SYTL4: variants seen among roughly 807,000 people sequenced by gnomAD.
SYTL4 encodes synaptotagmin-like protein 4.
A neutral mutation model predicts 52.7 loss-of-function variants in SYTL4; 16 were observed. That is an observed-to-expected ratio of 0.30 (90% CI 0.21 to 0.46). SYTL4 has a LOEUF of 0.46. SYTL4 is among the 20% of genes least tolerant of loss of function. The pLI is 1.00. For missense variants in SYTL4, 423 were observed against 519.9 expected (o/e 0.81, Z 1.81); for synonymous variants, 160 against 186.6 (o/e 0.86, Z 1.16).
intron 2 of SYTL4, among the ~76,000 whole-genome samples, chrX:100,723,772 C>T (rs1471261985): frequency 6.4e-5 from 7 of 108,820 alleles, no homozygotes; most frequent in East Asian, 3.0e-4. Flanking sequence ...GCCCGGCAGC[C>T]GCACCGTCTG....
At chrX:100,729,468 T>C (rs2084594262) in intron 2 of SYTL4, among the ~76,000 whole-genome samples, 1 of 109,959 alleles carries the variant, frequency 9.1e-6, no homozygotes, top group Non-Finnish European at 1.9e-5. Context: ...CACGTTTAAA[T>C]AGGGTGGTCA....
intron 17 of SYTL4, among the ~76,000 whole-genome samples, chrX:100,679,901 C>A (rs1205530878): frequency 2.7e-5 from 3 of 112,003 alleles, no homozygotes; most frequent in Non-Finnish European, 5.6e-5. Context: ...CCCTTCCCCT[C>A]AGTCTAAATA....
At chrX:100,706,076 G>A (rs7883028) in intron 2 of SYTL4, among the ~76,000 whole-genome samples, 14,322 of 110,465 alleles carry the variant, frequency 0.13, 2,247 homozygotes, top group African/African-American at 0.45. Flanking sequence ...TCATCCCTCT[G>A]CCACAACTGC....
intron 19 of SYTL4, 34 bp from the exon 20 acceptor site, chrX:100,676,210 GC>G (rs765905753): frequency 8.3e-7 from 1 of 1,206,601 alleles, no homozygotes; most frequent in Non-Finnish European, 1.1e-6. Context: ...CTAAAGAGGG[GC>G]CCCACTCTCA....
At chrX:100,700,631 T>C (rs2083828305) in intron 8 of SYTL4, among the ~76,000 whole-genome samples, 1 of 112,001 alleles carries the variant, frequency 8.9e-6, no homozygotes, top group African/African-American at 3.2e-5. Context: ...CTTCAAATTG[T>C]TCGTATAAAG....
In SYTL4 at chrX:100,690,556, A is replaced by C. The variant is rs1407598586; in HGVS notation, c.717+7T>G. 2 of 1,201,547 alleles carry C rather than the reference A, an allele frequency of 1.7e-6. No individual in the cohort carries two copies. Among genetic ancestry groups the C allele is most frequent in the Non-Finnish European group, 2.3e-6 (2 of 888,282 alleles). ...GGAGGAAGGTGGCTCAATAACCTGA[A>C]GCTTACCTTTTCTACTTGAGATTTG... On this transcript the variant is annotated splice_region_variant and intron_variant, in intron 10 of 19. Transcript: ENST00000372989.
At position 100,718,839 on chromosome X, in the gene SYTL4, C is replaced by T. The variant is rs150016810; in HGVS notation, c.-240+12579G>A. Among the ~76,000 whole-genome samples the T allele has an allele frequency of 6.1e-3, 629 of 103,940 alleles. 7 individuals are homozygous for T. The highest frequency in any genetic ancestry group is 0.021 in the African/African-American group (589 of 28,467). The allele number at this position is 103,940 out of a possible 115,157, so 90.3% of individuals were successfully genotyped here. On this transcript the variant is annotated intron_variant, in intron 2 of 19. Transcript: ENST00000372989. Reference sequence around the variant, plus strand: ...TGTGAGATGGAGTCTCACTCTGTTGCCCAGGCTGGAGTTAGGCAGCGCCAT... The same window carrying T: ...TGTGAGATGGAGTCTCACTCTGTTGTCCAGGCTGGAGTTAGGCAGCGCCAT...
chrX:100,688,464 T>G, intron 12 of SYTL4, 21 bp from the exon 13 acceptor site: 1 of 1,145,747 alleles, frequency 8.7e-7, no homozygotes, highest in African/African-American at 1.8e-5. Flanking sequence ...AAATATAAAT[T>G]CAGAGTTAAT....
At chrX:100,724,999 TAGAC>T (rs2084486229) in intron 2 of SYTL4, among the ~76,000 whole-genome samples, 1 of 112,000 alleles carries the variant, frequency 8.9e-6, no homozygotes, top group African/African-American at 3.2e-5. Flanking sequence ...GTTTACATTT[TAGAC>T]AGATTGGATC....
chrX:100,722,852 T>C (rs2084370299), intron 2 of SYTL4, among the ~76,000 whole-genome samples: 1 of 111,645 alleles, frequency 9.0e-6, no homozygotes, highest in African/African-American at 3.3e-5. Flanking sequence ...CACAGTTCTC[T>C]GAAATTGCTC....
intron 2 of SYTL4, among the ~76,000 whole-genome samples, chrX:100,713,475 G>C (rs2084118026): frequency 9.1e-6 from 1 of 109,760 alleles, no homozygotes; most frequent in African/African-American, 3.3e-5. Flanking sequence ...ACTTAGCTGG[G>C]TGTGGTGGTG....
chrX:100,699,482 C>CATTTTTTTTTTTTTTTTTTTTTTT, intron 8 of SYTL4, among the ~76,000 whole-genome samples: 1 of 59,892 alleles, frequency 1.7e-5, no homozygotes, highest in Admixed American at 2.1e-4. Flanking sequence ...CAGCATTACT[C>CATTTTTTTTTTTTTTTTTTTTTTT]TTTTTTTTTT....
Position 100,690,576 on chromosome X carries a change from G to A in SYTL4, c.704C>T (p.Ser235Phe). 4 of 1,206,352 alleles carry A rather than the reference G, an allele frequency of 3.3e-6. No individual in the cohort carries two copies. Among genetic ancestry groups the A allele is most frequent in the Non-Finnish European group, 4.5e-6 (4 of 892,027 alleles). ...PEWKKMSAPK[S>F]QVEKETQPGG... Reference sequence around the variant, plus strand: ...CCTGAAGCTTACCTTTTCTACTTGAGATTTGGGAGCAGACATCTTCTTCCA... The same window carrying A: ...CCTGAAGCTTACCTTTTCTACTTGAAATTTGGGAGCAGACATCTTCTTCCA... The change falls in exon 10 of 20, where the codon TCT becomes TTT. Residue 235 changes from serine (S) to phenylalanine (F), a missense_variant. Physicochemically the swap from Ser to Phe is radical, Grantham distance 155. Coordinates refer to ENST00000372989, the MANE Select transcript of SYTL4 (RefSeq NM_001370165.1).
intron 16 of SYTL4, chrX:100,685,693 C>T (rs1276639629): frequency 9.5e-6 from 2 of 211,189 alleles, no homozygotes; most frequent in Non-Finnish European, 1.7e-5. Context: ...AGAAGAGGTG[C>T]GAGTTAGGAT....
intron 6 of SYTL4, 64 bp from the exon 7 acceptor site, chrX:100,701,393 G>A (rs889694761): frequency 3.4e-6 from 4 of 1,172,417 alleles, no homozygotes; most frequent in African/African-American, 1.8e-5. Context: ...TAAAGGCTGA[G>A]GAAAGAAATT....
At chrX:100,683,736 T>C (rs1485438341) in intron 16 of SYTL4, among the ~76,000 whole-genome samples, 2 of 112,700 alleles carry the variant, frequency 1.8e-5, no homozygotes, top group Non-Finnish European at 3.7e-5. Context: ...ACACAATTTA[T>C]TAATTTCTAG....
intron 2 of SYTL4, among the ~76,000 whole-genome samples, chrX:100,723,842 G>A (rs1312769116): frequency 3.7e-5 from 4 of 109,242 alleles, no homozygotes; most frequent in Admixed American, 9.5e-5. Context: ...GAGCGTCTCC[G>A]CCTGGCAGCC....
rs2083334738 is a variant in SYTL4, at chrX:100,679,418, A to C, written c.1559-6T>G. The stretch of plus-strand genomic sequence containing the variant: ...TCCCCCTTCCCCACCTTTACCTGTA[A>C]GGGATGTCAGCCATAGCAAGTGAGC... On this transcript the variant is annotated splice_region_variant and splice_polypyrimidine_tract_variant and intron_variant, in intron 17 of 19. Coordinates refer to ENST00000372989, the MANE Select transcript of SYTL4 (RefSeq NM_001370165.1). The C allele has an allele frequency of 8.5e-7, 1 of 1,180,376 alleles. No individual in the cohort carries two copies. Among genetic ancestry groups the C allele is most frequent in the African/African-American group, 1.8e-5 (1 of 56,385 alleles).
chrX:100,685,909 G>A (rs2083464283), intron 16 of SYTL4, 81 bp downstream of exon 16: 1 of 980,833 alleles, frequency 1.0e-6, no homozygotes, highest in Non-Finnish European at 1.3e-6. Flanking sequence ...ATTCAAAGAC[G>A]CTACCAACAT....
Sources: allele counts gnomAD v4.1 joint callset (sites outside exome capture counted in the v4.1 genomes callset), GRCh38; gene constraint gnomAD v4.1.1; transcripts MANE v1.5; gene names NCBI Gene and HGNC (gene_info 2026-07-23, HGNC 2026-07-21).